The following PHLDB2 variants were observed in gnomAD, a reference collection of about 807,000 sequenced individuals.
PHLDB2 encodes the protein pleckstrin homology-like domain family B member 2.
Under a neutral mutation model 123.6 loss-of-function variants are expected in PHLDB2, and 71 were observed. That is an observed-to-expected ratio of 0.57 (90% confidence interval 0.47 to 0.70). The LOEUF (loss-of-function observed/expected upper bound fraction) is 0.70, where lower values mean the gene tolerates loss of function less well. Among genes scored for constraint, PHLDB2 ranks in the 30% least tolerant of loss-of-function variants. The pLI is 0.00. For missense variants in PHLDB2, 1,446 were observed against 1,519.5 expected (o/e 0.95, Z 0.80); for synonymous variants, 547 against 541.6 (o/e 1.01, Z -0.14).
chr3:111,771,845 C>T (rs558012035), intron 1 of PHLDB2, among the ~76,000 whole-genome samples: 146 of 152,304 alleles, frequency 9.6e-4, no homozygotes, highest in African/African-American at 3.2e-3. Context: ...TGGGGGGACA[C>T]AATTCACCCA....
In PHLDB2 at chr3:111,942,741, C is replaced by T. The variant is rs116357909; in HGVS notation, c.2397+2096C>T. Among the ~76,000 whole-genome samples the T allele has an allele frequency of 7.2e-3, 1,096 of 151,772 alleles. 15 individuals are homozygous for T. The highest frequency in any genetic ancestry group is 0.025 in the African/African-American group (1,028 of 41,418). On this transcript the variant is annotated intron_variant, in intron 8 of 17. Coordinates refer to ENST00000431670, the MANE Select transcript of PHLDB2 (RefSeq NM_001134438.2). ...ACGTGTCTTAGATGAACTTCATTCA[C>T]GCTGTTATAGTGTTGCTGACTGTCA...
At position 111,758,406 on chromosome 3, in the gene PHLDB2, G is replaced by C. The variant is rs536087155; in HGVS notation, c.-49+25703G>C. On this transcript the variant is annotated intron_variant, in intron 1 of 17. Coordinates refer to the PHLDB2 transcript ENST00000393923. ...ACTCTGTGGGCATAGGACCCTCCGA[G>C]CCATGTGCGGGATATAATCTCCTGG... is the stretch of plus-strand genomic sequence containing the variant. 6.7e-4 allele frequency among the ~76,000 whole-genome samples: 102 copies of C among 152,338 alleles called. 1 individual carries two copies. The highest frequency in any genetic ancestry group is 2.1e-3 in the African/African-American group (89 of 41,580).
chr3:111,866,014 A>ATTTTTTTTTTTTTTTTTTTTTTTTTT lies in PHLDB2; in HGVS notation c.-15+6462_-15+6463insTTTTTTTTTTTTTTTTTTTTTTTTTT, dbSNP rs61038523. On this transcript the variant is annotated intron_variant, in intron 1 of 17. Coordinates refer to ENST00000431670, the MANE Select transcript of PHLDB2 (RefSeq NM_001134438.2). ...TTTTAGAAACCTACCCCACCCACTC[A>ATTTTTTTTTTTTTTTTTTTTTTTTTT]TTTTTTTTTTTTTTTTTTTTTTTTG... 1.1e-3 allele frequency among the ~76,000 whole-genome samples: 65 copies of ATTTTTTTTTTTTTTTTTTTTTTTTTT among 57,410 alleles called. 12 individuals carry two copies. The highest frequency in any genetic ancestry group is 2.6e-3 in the East Asian group (3 of 1,168). 37.7% of individuals were successfully genotyped at this position (57,410 alleles called of 152,430 possible). A position where few individuals can be genotyped will look rare whatever the true frequency, so the allele number is the denominator to read the frequency against.
Position 111,913,696 on chromosome 3 carries a change from A to G in PHLDB2, c.1713A>G (p.Leu571=), listed in dbSNP as rs775965644. 1 of 1,611,100 alleles carries G rather than the reference A, an allele frequency of 6.2e-7. No individual in the cohort carries two copies. The highest frequency in any genetic ancestry group is 8.5e-7 in the Non-Finnish European group (1 of 1,177,914). Residue 571 remains leucine (L), a synonymous_variant, in exon 3 of 18, where the codon CTA becomes CTG. Coordinates refer to ENST00000431670, the MANE Select transcript of PHLDB2 (RefSeq NM_001134438.2). ...ASSESSYLSI[L]PKTPEGISEE... is the part of the protein sequence containing the mutation. ...GCGAGTCCTCTTATCTAAGTATCCT[A>G]CCAAAGGTAATGTTGGCCCAGCAAA...
intron 1 of PHLDB2, among the ~76,000 whole-genome samples, chr3:111,773,205 G>C (rs1221629995): frequency 6.6e-6 from 1 of 152,158 alleles, no homozygotes; most frequent in Non-Finnish European, 1.5e-5. Flanking sequence ...TATCAGAAAA[G>C]CGTATTCATT....
chr3:111,737,222 G>A (rs1044290128), intron 1 of PHLDB2, among the ~76,000 whole-genome samples: 1 of 152,218 alleles, frequency 6.6e-6, no homozygotes, highest in South Asian at 2.1e-4. Context: ...AGGAGATCCA[G>A]TGTTTTCTTA....
At chr3:111,865,383 T>G (rs2108671962) in intron 1 of PHLDB2, among the ~76,000 whole-genome samples, 1 of 152,276 alleles carries the variant, frequency 6.6e-6, no homozygotes, top group South Asian at 2.1e-4. Flanking sequence ...TGGGCAACAG[T>G]CCGGTGAAAT....
chr3:111,865,750 T>C (rs2065038194), intron 1 of PHLDB2, among the ~76,000 whole-genome samples: 1 of 152,052 alleles, frequency 6.6e-6, no homozygotes, highest in Non-Finnish European at 1.5e-5. Context: ...CCATTTCCTT[T>C]ATTAGATCTT....
At chr3:111,913,775 T>C in intron 3 of PHLDB2, 73 bp downstream of exon 3, 1 of 1,425,532 alleles carries the variant, frequency 7.0e-7, no homozygotes, top group Non-Finnish European at 9.5e-7. Context: ...TGAAAACTGA[T>C]GATTTTATCA....
chr3:111,913,763 C>A (rs748110688), intron 3 of PHLDB2, 61 bp downstream of exon 3: 24 of 1,449,130 alleles, frequency 1.7e-5, no homozygotes, highest in South Asian at 1.3e-5. Flanking sequence ...TATGCTTTGG[C>A]ATGAAAACTG....
rs1193876824 is a variant in PHLDB2, at chr3:111,913,490, G to A, written c.1507G>A (p.Asp503Asn). Residue 503 changes from aspartate to asparagine, a missense_variant, in exon 3 of 18, where the codon GAC (aspartate) becomes AAC (asparagine). Asp to Asn is a conservative substitution (Grantham distance 23). Around this residue, in one of 3 missense-constraint regions of PHLDB2, gnomAD observed 832 missense variants for 831.9 expected, o/e 1.00. Coordinates refer to ENST00000431670, the MANE Select transcript of PHLDB2 (RefSeq NM_001134438.2). ...SVFEEALMSP[D>N]TRYRCHRKDS... is the part of the protein sequence containing the mutation. Reference sequence around the variant, plus strand: ...GTTTGAGGAAGCCCTCATGAGCCCTGACACAAGATACAGGTGCCACCGGAA... The same window carrying A: ...GTTTGAGGAAGCCCTCATGAGCCCTAACACAAGATACAGGTGCCACCGGAA... 8.7e-6 allele frequency: 14 copies of A among 1,614,082 alleles called. No homozygotes were observed. The highest frequency in any genetic ancestry group is 1.2e-5 in the Non-Finnish European group (14 of 1,180,006).
chr3:111,859,326 G>C lies in PHLDB2; in HGVS notation c.-265G>C. 1.0e-6 allele frequency: 1 copy of C among 985,584 alleles called. No homozygotes were observed. The highest frequency in any genetic ancestry group is 1.2e-6 in the Non-Finnish European group (1 of 830,034). The allele number at this position is 985,584 out of a possible 1,614,324, so 61.1% of individuals were successfully genotyped here. A position where few individuals can be genotyped will look rare whatever the true frequency, so the allele number is the denominator to read the frequency against. ...GCCCAGTGATGGGGCAAACAGCCAT[G>C]CCCTTCCAGCAGCCGTGAAAGCCCC... On this transcript the variant is annotated 5_prime_UTR_variant, in exon 1 of 18. It removes an upstream start codon present in the reference 5' UTR. Transcript: ENST00000431670.
At chr3:111,870,860 T>C (rs16858748) in intron 1 of PHLDB2, among the ~76,000 whole-genome samples, 7,253 of 152,268 alleles carry the variant, frequency 0.048, 410 homozygotes, top group African/African-American at 0.13. Flanking sequence ...GGACCACCAG[T>C]GTGCGGGGAG....
At chr3:111,876,555 G>A (rs115437105) in intron 1 of PHLDB2, among the ~76,000 whole-genome samples, 3,100 of 152,096 alleles carry the variant, frequency 0.02, 129 homozygotes, top group African/African-American at 0.07. Flanking sequence ...TGTTCATAAC[G>A]GAGAGAAAAT....
chr3:111,927,061 A>G (rs1280938093), intron 5 of PHLDB2, among the ~76,000 whole-genome samples: 1 of 152,222 alleles, frequency 6.6e-6, no homozygotes. Context: ...TTCTACTTCA[A>G]TAAAGCTGTT....
intron 1 of PHLDB2, among the ~76,000 whole-genome samples, chr3:111,863,282 G>T (rs1311046403): frequency 3.9e-5 from 6 of 152,258 alleles, no homozygotes; most frequent in Admixed American, 2.0e-4. Flanking sequence ...GTACAAAACA[G>T]AACATTTGAG....
intron 1 of PHLDB2, among the ~76,000 whole-genome samples, chr3:111,841,457 A>G (rs2063689793): frequency 6.6e-6 from 1 of 152,216 alleles, no homozygotes; most frequent in South Asian, 2.1e-4. Flanking sequence ...GAAAGGTGGA[A>G]GGTTGCATCA....
At chr3:111,777,879 A>G (rs1179371820) in intron 1 of PHLDB2, among the ~76,000 whole-genome samples, 2 of 150,740 alleles carry the variant, frequency 1.3e-5, no homozygotes, top group Non-Finnish European at 3.0e-5. Context: ...ACCCCAGTAT[A>G]GATGTTACAT....
intron 1 of PHLDB2, chr3:111,778,271 A>T (rs1370646256): frequency 6.6e-6 from 1 of 152,046 alleles, no homozygotes; most frequent in Non-Finnish European, 1.5e-5. Context: ...ATCATAGGGA[A>T]ATGTGGACAC....
Sources: gnomAD v4.1 joint callset for allele counts (sites outside exome capture counted in the v4.1 genomes callset) on GRCh38, gnomAD v4.1.1 for gene constraint, gnomAD v4.1.1 regional missense constraint, MANE v1.5 for transcripts, NCBI Gene and HGNC (gene_info 2026-07-23, HGNC 2026-07-21) for gene names.